PTPRO: variants seen among roughly 807,000 people sequenced by gnomAD.
The protein encoded by PTPRO is protein tyrosine phosphatase receptor type O.
PTPRO carries 62 observed loss-of-function variants against 145.2 expected under a neutral mutation model. That is an observed-to-expected ratio of 0.43 (90% CI 0.35 to 0.53). PTPRO has a LOEUF of 0.53. Ranked by LOEUF, PTPRO falls within the 20% of genes least tolerant of loss-of-function variation. PTPRO has a pLI of 0.01. For synonymous variants in PTPRO, 565 were observed against 514.7 expected (o/e 1.10, Z -1.32); for missense variants, 1,345 against 1,482.7 (o/e 0.91, Z 1.53).
intron 1 of PTPRO, among the ~76,000 whole-genome samples, chr12:15,333,965 A>G (rs1261105189): frequency 1.3e-5 from 2 of 152,162 alleles, no homozygotes; most frequent in Non-Finnish European, 2.9e-5. Flanking sequence ...ACTTACTTAT[A>G]AAAAGTAAGT....
chr12:15,487,043 C>T (rs189441725), intron 2 of PTPRO, among the ~76,000 whole-genome samples: 345 of 152,158 alleles, frequency 2.3e-3, no homozygotes, highest in African/African-American at 7.9e-3. Flanking sequence ...GTTTCAGTTT[C>T]ACCCTCAGTA....
At chr12:15,565,723 C>A in intron 18 of PTPRO, 95 bp downstream of exon 18, 1 of 963,516 alleles carries the variant, frequency 1.0e-6, no homozygotes, top group Non-Finnish European at 1.6e-6. Context: ...AGAAGGGACG[C>A]TTAAGAAAGA....
intron 17 of PTPRO, among the ~76,000 whole-genome samples, chr12:15,562,814 A>G (rs1337624529): frequency 6.7e-6 from 1 of 150,208 alleles, no homozygotes. Context: ...TCTCAATCCT[A>G]GGCAGTTGGC....
chr12:15,451,575 A>G (rs1275460510), intron 1 of PTPRO, among the ~76,000 whole-genome samples: 2 of 152,202 alleles, frequency 1.3e-5, no homozygotes, highest in Non-Finnish European at 2.9e-5. Context: ...ACATTCTCCA[A>G]GATAGACCAG....
chr12:15,340,529 A>G (rs561091363), intron 1 of PTPRO, among the ~76,000 whole-genome samples: 1 of 152,326 alleles, frequency 6.6e-6, no homozygotes, highest in East Asian at 1.9e-4. Flanking sequence ...AAAAGTCTGT[A>G]TATCAGTGGA....
intron 1 of PTPRO, among the ~76,000 whole-genome samples, chr12:15,396,439 A>G (rs1939341326): frequency 6.6e-6 from 1 of 151,260 alleles, no homozygotes; most frequent in Non-Finnish European, 1.5e-5. Flanking sequence ...AAGTTACTAA[A>G]TTACAAAAAA....
At chr12:15,492,881 T>C (rs1459118556) in intron 2 of PTPRO, among the ~76,000 whole-genome samples, 1 of 151,488 alleles carries the variant, frequency 6.6e-6, no homozygotes, top group Non-Finnish European at 1.5e-5. Flanking sequence ...AAGGAGGGAA[T>C]GGTGGGCACA....
intron 1 of PTPRO, among the ~76,000 whole-genome samples, chr12:15,408,753 T>C (rs999404470): frequency 6.6e-6 from 1 of 152,152 alleles, no homozygotes; most frequent in Non-Finnish European, 1.5e-5. Flanking sequence ...TGTGTCAATG[T>C]TTTCACAAAC....
intron 19 of PTPRO, among the ~76,000 whole-genome samples, chr12:15,573,507 T>C (rs148222202): frequency 2.8e-4 from 43 of 152,348 alleles, no homozygotes; most frequent in Admixed American, 9.8e-4. Context: ...TTTATTCTGA[T>C]GCTCTCTTCA....
chr12:15,448,526 A>G (rs1025126674), intron 1 of PTPRO, among the ~76,000 whole-genome samples: 1 of 152,058 alleles, frequency 6.6e-6, no homozygotes, highest in Non-Finnish European at 1.5e-5. Context: ...AAGAGAAAAC[A>G]AGTGTGCACA....
At chr12:15,530,135 G>T (rs901929193) in intron 12 of PTPRO, among the ~76,000 whole-genome samples, 1 of 152,138 alleles carries the variant, frequency 6.6e-6, no homozygotes, top group East Asian at 1.9e-4. Flanking sequence ...GACAAAGAGG[G>T]TTACTATATA....
chr12:15,511,900 T>A lies in PTPRO; in HGVS notation c.1464+3133T>A, dbSNP rs1028786673. The stretch of plus-strand genomic sequence containing the variant: ...TTTAAACAGCTATGATTCCAGGTAG[T>A]CATTTGAATAGTTAGAATCAACTCA... On this transcript the variant is annotated intron_variant, in intron 7 of 26. Transcript: ENST00000281171. Among the ~76,000 whole-genome samples the A allele has an allele frequency of 2.0e-5, 3 of 152,140 alleles. No individual in the cohort carries two copies. The East Asian group carries it at 5.8e-4, about 29-fold the overall frequency.
At chr12:15,548,906 G>T (rs1232146184) in intron 13 of PTPRO, among the ~76,000 whole-genome samples, 188 bp from the exon 14 acceptor site, 1 of 152,044 alleles carries the variant, frequency 6.6e-6, no homozygotes. Context: ...ATGGAATAAT[G>T]CTGCTTCCAT....
intron 15 of PTPRO, among the ~76,000 whole-genome samples, chr12:15,554,269 G>A (rs1943555479): frequency 6.6e-6 from 1 of 152,118 alleles, no homozygotes; most frequent in African/African-American, 2.4e-5. Context: ...AACTGAGAGA[G>A]GATTCCAGGT....
At chr12:15,551,814 C>A in intron 15 of PTPRO, 143 bp downstream of exon 15, 1 of 863,974 alleles carries the variant, frequency 1.2e-6, no homozygotes, top group Non-Finnish European at 1.8e-6. Flanking sequence ...TGTGTGTTTT[C>A]TAAATAGACT....
intron 10 of PTPRO, among the ~76,000 whole-genome samples, chr12:15,521,353 A>G (rs1369291304): frequency 6.6e-6 from 1 of 152,354 alleles, no homozygotes; most frequent in East Asian, 1.9e-4. Context: ...TAATAGTAAT[A>G]TTAGAGCAGA....
intron 1 of PTPRO, among the ~76,000 whole-genome samples, chr12:15,352,605 G>A (rs1327444202): frequency 2.7e-5 from 4 of 145,466 alleles, no homozygotes; most frequent in Admixed American, 7.0e-5. Context: ...AGCCGGGATC[G>A]CACCACTGCA....
At chr12:15,477,545 G>T (rs1941683278) in intron 1 of PTPRO, among the ~76,000 whole-genome samples, 1 of 152,254 alleles carries the variant, frequency 6.6e-6, no homozygotes, top group East Asian at 1.9e-4. Flanking sequence ...GTAAGCTGAT[G>T]ATGGTAGAGG....
intron 25 of PTPRO, among the ~76,000 whole-genome samples, chr12:15,592,278 G>C (rs73297742): frequency 0.047 from 7,124 of 152,166 alleles, 531 homozygotes; most frequent in African/African-American, 0.16. Context: ...GTAAAAAAAG[G>C]TTATTCTTTT....
Sources: allele counts gnomAD v4.1 joint callset (sites outside exome capture counted in the v4.1 genomes callset), GRCh38; gene constraint gnomAD v4.1.1; transcripts MANE v1.5; gene names NCBI Gene and HGNC (gene_info 2026-07-23, HGNC 2026-07-21).